DERA: variants seen among roughly 807,000 people sequenced by gnomAD.
DERA encodes deoxyribose-phosphate aldolase.
DERA carries 15 observed loss-of-function variants against 41.1 expected under a neutral mutation model. The ratio of observed to expected loss-of-function variants is 0.37; its 90% confidence interval spans 0.24 to 0.56. The LOEUF is 0.56. Ranked by LOEUF, DERA falls within the 20% of genes least tolerant of loss-of-function variation. The probability of loss-of-function intolerance (pLI) is 0.81; values close to 1 mark genes in which losing one functional copy is unlikely to be tolerated. For missense variants in DERA, 396 were observed against 403.4 expected (o/e 0.98, Z 0.16); for synonymous variants, 139 against 137.4 (o/e 1.01, Z -0.08).
chr12:15,926,504 A>G (rs1012056043), intron 1 of DERA, among the ~76,000 whole-genome samples: 2 of 152,122 alleles, frequency 1.3e-5, no homozygotes, highest in Non-Finnish European at 2.9e-5. Context: ...TGGGAGGCCG[A>G]GGCGGGCGGA....
intron 5 of DERA, among the ~76,000 whole-genome samples, chr12:15,969,821 T>G (rs937817535): frequency 5.3e-5 from 8 of 152,166 alleles, no homozygotes; most frequent in Admixed American, 1.3e-4. Context: ...GTTAATCATA[T>G]TTTATTAGAA....
chr12:15,929,569 A>G (rs1210827954), intron 1 of DERA, among the ~76,000 whole-genome samples: 1 of 152,142 alleles, frequency 6.6e-6, no homozygotes, highest in African/African-American at 2.4e-5. Flanking sequence ...GTACACCTAC[A>G]TTCCAAGCTT....
intron 6 of DERA, among the ~76,000 whole-genome samples, chr12:16,023,474 T>C (rs1949031479): frequency 1.0e-5 from 1 of 99,190 alleles, no homozygotes; most frequent in South Asian, 2.8e-4. Context: ...ACTCAAAGTC[T>C]TTTTTTTTTT....
At chr12:15,962,976 T>G in intron 5 of DERA, 29 bp downstream of exon 5, 1 of 1,591,916 alleles carries the variant, frequency 6.3e-7, no homozygotes, top group Non-Finnish European at 8.6e-7. Context: ...CTAAGAGAGT[T>G]TCACCATTCT....
intron 6 of DERA, among the ~76,000 whole-genome samples, chr12:15,986,793 A>T (rs1215175629): frequency 6.6e-6 from 1 of 152,176 alleles, no homozygotes; most frequent in African/African-American, 2.4e-5. Context: ...ATTTCTTCCT[A>T]TAAATATGAG....
intron 6 of DERA, among the ~76,000 whole-genome samples, chr12:16,029,605 A>G (rs2136188756): frequency 6.6e-6 from 1 of 151,982 alleles, no homozygotes; most frequent in South Asian, 2.1e-4. Context: ...ATCCATCTAG[A>G]AATTATTTAT....
chr12:15,951,856 C>T (rs1337452967), intron 1 of DERA, among the ~76,000 whole-genome samples: 2 of 151,950 alleles, frequency 1.3e-5, no homozygotes, highest in Non-Finnish European at 1.5e-5. Flanking sequence ...AGTAATGTAT[C>T]ATAATCAGTT....
rs994991099 is a variant in DERA, at chr12:15,913,491, C to T, written c.31+2077C>T. Reference sequence around the variant, plus strand: ...AATTGAAAGTCTTTTTAATAAACATCGTAACTAATTTCTAAAATAAATTAA... The same window carrying T: ...AATTGAAAGTCTTTTTAATAAACATTGTAACTAATTTCTAAAATAAATTAA... On this transcript the variant is annotated intron_variant, in intron 1 of 8. Coordinates refer to ENST00000428559, the MANE Select transcript of DERA (RefSeq NM_015954.4). The surrounding 1 kb of genome is among the most constrained non-coding windows in gnomAD (Gnocchi z 4.5). Among the ~76,000 whole-genome samples the T allele has an allele frequency of 9.9e-5, 15 of 152,094 alleles. No individual in the cohort carries two copies. Among genetic ancestry groups the T allele is most frequent in the Non-Finnish European group, 2.1e-4 (14 of 67,990 alleles).
Position 15,935,332 on chromosome 12 carries a change from T to C in DERA, c.32-21604T>C, listed in dbSNP as rs1048297659. Among the ~76,000 whole-genome samples the C allele has an allele frequency of 1.3e-5, 2 of 151,758 alleles. No individual in the cohort carries two copies. Among genetic ancestry groups the C allele is most frequent in the African/African-American group, 2.4e-5 (1 of 41,294 alleles). ...CAAAACCCTGTCTCTACAAAAAATA[T>C]AAAAATTAGCCAGGTGTGGTGGCAT... is the stretch of plus-strand genomic sequence containing the variant. On this transcript the variant is annotated intron_variant, in intron 1 of 8. Coordinates refer to ENST00000428559, the MANE Select transcript of DERA (RefSeq NM_015954.4). This position sits in a 1 kb window ranked among gnomAD's most constrained non-coding sequence, Gnocchi z 4.8.
Position 16,013,820 on chromosome 12 carries a change from A to G in DERA, c.638-18722A>G, listed in dbSNP as rs906717309. ...GAATGGTTTTGACCAGAATGCTGATAGTGATTTGGACAATGAAGTCCAGGC... is the reference window on the plus strand; with the variant it reads ...GAATGGTTTTGACCAGAATGCTGATGGTGATTTGGACAATGAAGTCCAGGC... On this transcript the variant is annotated intron_variant, in intron 6 of 8. Transcript: ENST00000428559. This position sits in a 1 kb window ranked among gnomAD's most constrained non-coding sequence, Gnocchi z 5.8. 6.6e-6 allele frequency among the ~76,000 whole-genome samples: 1 copy of G among 152,190 alleles called. No homozygotes were observed. The highest frequency in any genetic ancestry group is 6.5e-5 in the Admixed American group (1 of 15,282).
rs1180119766 is a variant in DERA, at chr12:16,014,741, C to T, written c.638-17801C>T. 6.6e-6 allele frequency among the ~76,000 whole-genome samples: 1 copy of T among 152,160 alleles called. No homozygotes were observed. The highest frequency in any genetic ancestry group is 6.5e-5 in the Admixed American group (1 of 15,278). ...TCCAGACCCCAGAATGGTAGATCCA[C>T]CAACAGCTTGCACCGTGGGCTTGGA... On this transcript the variant is annotated intron_variant, in intron 6 of 8. Transcript: ENST00000428559. The surrounding 1 kb of genome is among the most constrained non-coding windows in gnomAD (Gnocchi z 5.4).
intron 6 of DERA, among the ~76,000 whole-genome samples, chr12:16,018,201 C>G (rs1259238036): frequency 6.6e-6 from 1 of 152,034 alleles, no homozygotes; most frequent in Non-Finnish European, 1.5e-5. Flanking sequence ...AGTTTTTAAT[C>G]TCTTCTTGTT....
At chr12:16,005,111 C>T (rs1349921003) in intron 6 of DERA, among the ~76,000 whole-genome samples, 1 of 152,170 alleles carries the variant, frequency 6.6e-6, no homozygotes, top group East Asian at 1.9e-4. Flanking sequence ...AACAGACGTG[C>T]CCTGGAATGA....
rs1948830638 is a variant in DERA, at chr12:15,995,470, A to G, written c.637+13034A>G. On this transcript the variant is annotated intron_variant, in intron 6 of 8. Transcript: ENST00000428559. The surrounding 1 kb of genome is among the most constrained non-coding windows in gnomAD (Gnocchi z 5.1). The stretch of plus-strand genomic sequence containing the variant: ...TCTGTTGATGTCCCTGTAGTGATGC[A>G]CTTAGAAAATTAACCAGGGTTGTGA... 1.3e-5 allele frequency among the ~76,000 whole-genome samples: 2 copies of G among 152,148 alleles called. No individual in the cohort carries two copies. Among genetic ancestry groups the G allele is most frequent in the African/African-American group, 4.8e-5 (2 of 41,428 alleles).
At chr12:16,034,712 T>A (rs867612003) in intron 7 of DERA, among the ~76,000 whole-genome samples, 4 of 152,206 alleles carry the variant, frequency 2.6e-5, no homozygotes, top group Middle Eastern at 3.4e-3. Context: ...GGTTTAATAT[T>A]TCATAACTGA....
intron 6 of DERA, among the ~76,000 whole-genome samples, chr12:15,986,305 G>T (rs186269936): frequency 1.3e-5 from 2 of 152,034 alleles, no homozygotes; most frequent in Non-Finnish European, 2.9e-5. Flanking sequence ...ACTTTTTAGA[G>T]TGTTTTATTC....
chr12:15,925,452 C>T (rs11056721), intron 1 of DERA, among the ~76,000 whole-genome samples: 13,312 of 151,750 alleles, frequency 0.088, 1,946 homozygotes, highest in African/African-American at 0.3. Flanking sequence ...CTTTGGAGAA[C>T]GAATCAATGT....
At position 15,994,225 on chromosome 12, in the gene DERA, T is replaced by C. The variant is rs141327077; in HGVS notation, c.637+11789T>C. Among the ~76,000 whole-genome samples, 10 of 152,356 alleles carry C rather than the reference T, an allele frequency of 6.6e-5. No homozygotes were observed. In the East Asian group the frequency reaches 1.2e-3, roughly 18 times the overall value. On this transcript the variant is annotated intron_variant, in intron 6 of 8. Coordinates refer to ENST00000428559, the MANE Select transcript of DERA (RefSeq NM_015954.4). The surrounding 1 kb of genome is among the most constrained non-coding windows in gnomAD (Gnocchi z 4.8). ...ACACATATGAGTACAGTGGCATCAA[T>C]GATATATCTGTAATCAACTTGTATA...
rs1312129654 is a variant in DERA, at chr12:15,994,861, AAG to A, written c.637+12428_637+12429del. On this transcript the variant is annotated intron_variant, in intron 6 of 8. Transcript: ENST00000428559. This position sits in a 1 kb window ranked among gnomAD's most constrained non-coding sequence, Gnocchi z 4.8. The stretch of plus-strand genomic sequence containing the variant: ...TATTTATTGAATGAATAAATGAAAA[AAG>A]AGTAATAAATCATGTGAAGTTGGTA... 2.0e-5 allele frequency among the ~76,000 whole-genome samples: 3 copies of A among 152,256 alleles called. No individual in the cohort carries two copies. Among genetic ancestry groups the A allele is most frequent in the Admixed American group, 6.5e-5 (1 of 15,290 alleles).
Sources: gnomAD v4.1 joint callset for allele counts (sites outside exome capture counted in the v4.1 genomes callset) on GRCh38, gnomAD v4.1.1 for gene constraint, Gnocchi (gnomAD v3.1) non-coding constraint, MANE v1.5 for transcripts, NCBI Gene and HGNC (gene_info 2026-07-23, HGNC 2026-07-21) for gene names.